TSHZ2: variants seen among roughly 807,000 people sequenced by gnomAD.
TSHZ2 encodes teashirt homolog 2.
Under a neutral mutation model 74.4 loss-of-function variants are expected in TSHZ2, and 21 were observed. That is an observed-to-expected ratio of 0.28 (90% confidence interval 0.20 to 0.41). The LOEUF (loss-of-function observed/expected upper bound fraction) is 0.41. Among genes scored for constraint, TSHZ2 ranks in the 10% least tolerant of loss-of-function variants. The pLI is 1.00. For synonymous variants in TSHZ2, 540 were observed against 515.3 expected (o/e 1.05, Z -0.65); for missense variants, 1,244 against 1,293.5 (o/e 0.96, Z 0.59).
chr20:53,429,311 C>T (rs1983757655), intron 2 of TSHZ2, among the ~76,000 whole-genome samples: 1 of 152,188 alleles, frequency 6.6e-6, no homozygotes, highest in Non-Finnish European at 1.5e-5. Context: ...AAATTCCTTA[C>T]CAGAGAAATA....
chr20:53,117,113 G>A (rs1384273193), intron 1 of TSHZ2, among the ~76,000 whole-genome samples: 1 of 146,386 alleles, frequency 6.8e-6, no homozygotes, highest in Non-Finnish European at 1.5e-5. Context: ...CTCCTCATGA[G>A]GGCTCCACCT....
At chr20:52,981,161 G>A (rs1350157458) in intron 1 of TSHZ2, among the ~76,000 whole-genome samples, 4 of 152,162 alleles carry the variant, frequency 2.6e-5, no homozygotes, top group African/African-American at 9.7e-5. Context: ...GATTAGATTT[G>A]AGACTGTGGA....
intron 1 of TSHZ2, among the ~76,000 whole-genome samples, chr20:53,126,015 T>TTTTG (rs5841932): frequency 0.1 from 15,201 of 152,160 alleles, 2,202 homozygotes; most frequent in African/African-American, 0.32. Flanking sequence ...AACTCTGGGT[T>TTTTG]TTTGTTTGTT....
chr20:53,167,998 T>C (rs1390587931), intron 1 of TSHZ2, among the ~76,000 whole-genome samples: 1 of 152,208 alleles, frequency 6.6e-6, no homozygotes, highest in African/African-American at 2.4e-5. Flanking sequence ...GGAGTGGCAA[T>C]AGTCGCCTTG....
intron 1 of TSHZ2, among the ~76,000 whole-genome samples, chr20:53,108,961 T>C (rs896285563): frequency 3.9e-5 from 6 of 152,158 alleles, no homozygotes; most frequent in Non-Finnish European, 1.5e-5. Flanking sequence ...CTCCACCCTC[T>C]ACCCTCCAAG....
At chr20:53,453,625 T>C (rs1984909549) in intron 2 of TSHZ2, among the ~76,000 whole-genome samples, 1 of 152,182 alleles carries the variant, frequency 6.6e-6, no homozygotes, top group Admixed American at 6.5e-5. Context: ...TATGTGATAA[T>C]GAAGATTAAC....
chr20:53,315,915 G>T (rs965983620), intron 2 of TSHZ2, among the ~76,000 whole-genome samples: 1 of 152,154 alleles, frequency 6.6e-6, no homozygotes, highest in South Asian at 2.1e-4. Flanking sequence ...GAGCTCTGGA[G>T]GTGGGTGGGT....
At chr20:53,302,627 C>T (rs1394833124) in intron 2 of TSHZ2, among the ~76,000 whole-genome samples, 1 of 152,076 alleles carries the variant, frequency 6.6e-6, no homozygotes, top group East Asian at 1.9e-4. Context: ...CAGGATTAGG[C>T]CACAGGAAAA....
intron 1 of TSHZ2, among the ~76,000 whole-genome samples, chr20:53,181,280 A>G (rs1988461038): frequency 6.6e-6 from 1 of 152,038 alleles, no homozygotes. Context: ...AAGACAATAG[A>G]CTCCGCAGGG....
chr20:53,160,263 A>C (rs994588662), intron 1 of TSHZ2, among the ~76,000 whole-genome samples: 31 of 152,322 alleles, frequency 2.0e-4, no homozygotes, highest in African/African-American at 7.2e-4. Flanking sequence ...AAAACATTGA[A>C]AGGGCTAAAG....
intron 1 of TSHZ2, among the ~76,000 whole-genome samples, chr20:53,045,101 G>A (rs1035932477): frequency 9.2e-5 from 14 of 152,140 alleles, no homozygotes; most frequent in African/African-American, 3.1e-4. Flanking sequence ...CAACAAAGAT[G>A]CATTTACCAC....
intron 2 of TSHZ2, among the ~76,000 whole-genome samples, chr20:53,369,246 C>G (rs1230197814): frequency 6.6e-6 from 1 of 152,100 alleles, no homozygotes; most frequent in African/African-American, 2.4e-5. Flanking sequence ...GCCTTGGTGA[C>G]AAAGCCAGAC....
intron 1 of TSHZ2, among the ~76,000 whole-genome samples, chr20:53,239,715 A>G (rs556236658): frequency 3.3e-5 from 5 of 152,308 alleles, no homozygotes; most frequent in African/African-American, 1.2e-4. Flanking sequence ...AATGGACAGA[A>G]TAGCAAAAAA....
chr20:53,073,148 TCATC>T (rs1172946425), intron 1 of TSHZ2, among the ~76,000 whole-genome samples: 2 of 137,978 alleles, frequency 1.4e-5, no homozygotes, highest in African/African-American at 2.7e-5. Flanking sequence ...CTTAATCCAT[TCATC>T]CATCCCTCCA....
In TSHZ2 at chr20:53,255,514, G is replaced by A. The variant is rs543795423; in HGVS notation, c.2056G>A (p.Ala686Thr). 15 of 1,588,706 alleles carry A rather than the reference G, an allele frequency of 9.4e-6. No homozygotes were observed. The highest frequency in any genetic ancestry group is 2.2e-5 in the East Asian group (1 of 44,714). ...LSNGCALANHAPALPCINPLS... is the reference protein window; with the variant it reads ...LSNGCALANHTPALPCINPLS... Reference sequence around the variant, plus strand: ...CAATGGGTGCGCCCTCGCCAACCACGCCCCGGCCCTGCCATGCATCAACCC... The same window carrying A: ...CAATGGGTGCGCCCTCGCCAACCACACCCCGGCCCTGCCATGCATCAACCC... Residue 686 changes from alanine to threonine, a missense_variant, in exon 2 of 3, where the codon GCC (alanine) becomes ACC (threonine). Coordinates refer to ENST00000371497, the MANE Select transcript of TSHZ2 (RefSeq NM_173485.6). This position sits in a 1 kb window ranked among gnomAD's most constrained non-coding sequence, Gnocchi z 4.1.
At chr20:53,383,207 G>A (rs780575319) in intron 2 of TSHZ2, among the ~76,000 whole-genome samples, 3 of 151,572 alleles carry the variant, frequency 2.0e-5, no homozygotes, top group Non-Finnish European at 4.4e-5. Context: ...CGGTTGCAGT[G>A]AGCCGAGATT....
chr20:53,292,059 A>G (rs1050927885), intron 2 of TSHZ2, among the ~76,000 whole-genome samples: 1 of 152,162 alleles, frequency 6.6e-6, no homozygotes, highest in Non-Finnish European at 1.5e-5. Context: ...CCCATGGGAA[A>G]AGGACATCTT....
chr20:53,126,875 A>G (rs2123370007), intron 1 of TSHZ2, among the ~76,000 whole-genome samples: 1 of 152,288 alleles, frequency 6.6e-6, no homozygotes, highest in South Asian at 2.1e-4. Context: ...ATCCATCAGG[A>G]AGGGGAAGTG....
chr20:53,244,571 T>C (rs1474517708), intron 1 of TSHZ2, among the ~76,000 whole-genome samples: 1 of 152,236 alleles, frequency 6.6e-6, no homozygotes, highest in East Asian at 1.9e-4. Context: ...CTTTTTTAAA[T>C]TGTCACCAAG....
Sources: gnomAD v4.1 joint callset for allele counts (sites outside exome capture counted in the v4.1 genomes callset) on GRCh38, gnomAD v4.1.1 for gene constraint, Gnocchi (gnomAD v3.1) non-coding constraint, MANE v1.5 for transcripts, NCBI Gene and HGNC (gene_info 2026-07-23, HGNC 2026-07-21) for gene names.